GNG12: variants seen among roughly 807,000 people sequenced by gnomAD.
The protein encoded by GNG12 is guanine nucleotide-binding protein G(I)/G(S)/G(O) subunit gamma-12.
For missense variants in GNG12, 69 were observed against 83.8 expected (o/e 0.82, Z 0.69); for synonymous variants, 28 against 29.7 (o/e 0.94, Z 0.19).
rs61770530 is a variant in GNG12 at position 67,776,705 on chromosome 1, A to T, written c.-27+753T>A. Among the ~76,000 whole-genome samples the T allele has an allele frequency of 7.0e-3, 1,061 of 152,256 alleles. 4 individuals are homozygous for T. Among genetic ancestry groups the T allele is most frequent in the Non-Finnish European group, 0.011 (761 of 68,034 alleles). On this transcript the variant is annotated intron_variant, in intron 2 of 3. Transcript: ENST00000370982. ...TACATGAATAGTCCCAGGTGAAAGGAGAAGGATCACGTAGCTGAGCCTAGC... is the reference window on the plus strand; with the variant it reads ...TACATGAATAGTCCCAGGTGAAAGGTGAAGGATCACGTAGCTGAGCCTAGC...
At chr1:67,708,164 G>C (rs749518287) in intron 2 of GNG12, among the ~76,000 whole-genome samples, 9 of 152,164 alleles carry the variant, frequency 5.9e-5, no homozygotes, top group Non-Finnish European at 1.2e-4. Flanking sequence ...CCAACTATTA[G>C]GCTGATCAAA....
At chr1:67,810,053 G>A (rs1022664576) in intron 1 of GNG12, among the ~76,000 whole-genome samples, 1 of 152,080 alleles carries the variant, frequency 6.6e-6, no homozygotes, top group Non-Finnish European at 1.5e-5. Flanking sequence ...AATAAACTTT[G>A]ATACATCCAT....
intron 2 of GNG12, among the ~76,000 whole-genome samples, chr1:67,767,659 T>G (rs1429367615): frequency 6.6e-6 from 1 of 152,260 alleles, no homozygotes; most frequent in African/African-American, 2.4e-5. Flanking sequence ...CATAGTTTGT[T>G]TGCATATTTT....
At chr1:67,781,281 T>C (rs1331948995) in intron 1 of GNG12, among the ~76,000 whole-genome samples, 1 of 152,200 alleles carries the variant, frequency 6.6e-6, no homozygotes, top group Non-Finnish European at 1.5e-5. Context: ...GCATCACTTG[T>C]TCTTAACAAC....
At chr1:67,724,176 G>C (rs1646372482) in intron 2 of GNG12, among the ~76,000 whole-genome samples, 1 of 152,162 alleles carries the variant, frequency 6.6e-6, no homozygotes. Context: ...AGAAACTAGG[G>C]AGAGTGAAGA....
chr1:67,795,440 T>C (rs1009609828), intron 1 of GNG12, among the ~76,000 whole-genome samples: 3 of 152,200 alleles, frequency 2.0e-5, no homozygotes, highest in African/African-American at 7.2e-5. Context: ...CTTACCTGTG[T>C]TGAGTACACT....
intron 1 of GNG12, among the ~76,000 whole-genome samples, chr1:67,805,595 A>C (rs1264117996): frequency 6.6e-6 from 1 of 152,182 alleles, no homozygotes; most frequent in Non-Finnish European, 1.5e-5. Context: ...ATGACAACAG[A>C]AACTCAAAAT....
intron 2 of GNG12, among the ~76,000 whole-genome samples, chr1:67,747,229 C>A (rs1033688789): frequency 1.3e-5 from 2 of 152,318 alleles, no homozygotes; most frequent in Non-Finnish European, 2.9e-5. Flanking sequence ...AAGTGATTGT[C>A]CTGCCTCAAT....
chr1:67,754,811 G>A (rs1646558925), intron 2 of GNG12, among the ~76,000 whole-genome samples: 1 of 152,258 alleles, frequency 6.6e-6, no homozygotes, highest in Non-Finnish European at 1.5e-5. Context: ...CCTCTGAGCA[G>A]TGGAAGGTTT....
At chr1:67,811,066 G>A (rs969916896) in intron 1 of GNG12, among the ~76,000 whole-genome samples, 2 of 152,286 alleles carry the variant, frequency 1.3e-5, no homozygotes, top group South Asian at 2.1e-4. Flanking sequence ...ATCCTCTGGT[G>A]GTGGGCCCAG....
At chr1:67,816,025 A>C (rs1646951204) in intron 1 of GNG12, among the ~76,000 whole-genome samples, 1 of 151,942 alleles carries the variant, frequency 6.6e-6, no homozygotes, top group African/African-American at 2.4e-5. Context: ...ATTTTCAGTC[A>C]CTCCTCAGCT....
intron 1 of GNG12, among the ~76,000 whole-genome samples, chr1:67,818,412 G>GTTTTTTT (rs1336642112): frequency 1.8e-5 from 2 of 112,606 alleles, no homozygotes; most frequent in African/African-American, 7.9e-5. Context: ...AAAGACCAGG[G>GTTTTTTT]GTTTTTTTTT....
intron 1 of GNG12, among the ~76,000 whole-genome samples, chr1:67,828,971 C>T (rs1229005040): frequency 6.6e-6 from 1 of 152,166 alleles, no homozygotes; most frequent in Non-Finnish European, 1.5e-5. Flanking sequence ...GTTAACAAGC[C>T]AGATTTGTTT....
At chr1:67,726,050 G>A (rs1289404126) in intron 2 of GNG12, among the ~76,000 whole-genome samples, 2 of 152,222 alleles carry the variant, frequency 1.3e-5, no homozygotes, top group African/African-American at 4.8e-5. Flanking sequence ...GAAGTGGAAT[G>A]GAGTAGGAGG....
intron 1 of GNG12, among the ~76,000 whole-genome samples, chr1:67,797,738 C>T (rs1437551482): frequency 6.6e-6 from 1 of 152,118 alleles, no homozygotes; most frequent in African/African-American, 2.4e-5. Context: ...GAAAAAATAA[C>T]CATCAGTCCA....
chr1:67,808,220 C>G (rs1646904171), intron 1 of GNG12, among the ~76,000 whole-genome samples: 1 of 151,980 alleles, frequency 6.6e-6, no homozygotes, highest in Non-Finnish European at 1.5e-5. Flanking sequence ...ATCGTATCAA[C>G]AGATGCAGAA....
intron 2 of GNG12, among the ~76,000 whole-genome samples, chr1:67,766,106 G>GCGCACACACA (rs1237928914): frequency 6.4e-5 from 9 of 139,936 alleles, no homozygotes; most frequent in South Asian, 2.3e-4. Context: ...AGGCACACAC[G>GCGCACACACA]CACACACACA....
intron 1 of GNG12, among the ~76,000 whole-genome samples, chr1:67,807,441 A>T (rs1034147629): frequency 1.3e-5 from 2 of 151,852 alleles, no homozygotes; most frequent in South Asian, 2.1e-4. Context: ...AAAATAAAAT[A>T]AAAAAATTCA....
At chr1:67,804,499 A>T (rs1646883784) in intron 1 of GNG12, among the ~76,000 whole-genome samples, 1 of 152,190 alleles carries the variant, frequency 6.6e-6, no homozygotes, top group African/African-American at 2.4e-5. Context: ...ATAAAAATGC[A>T]TTTGAAAAAT....
Sources: allele counts gnomAD v4.1 joint callset (sites outside exome capture counted in the v4.1 genomes callset), GRCh38; gene constraint gnomAD v4.1.1; transcripts MANE v1.5; gene names NCBI Gene and HGNC (gene_info 2026-07-23, HGNC 2026-07-21).